Variants in DYNC2H1 observed in about 807,000 individuals in gnomAD.
The protein encoded by DYNC2H1 is cytoplasmic dynein 2 heavy chain 1.
Under a neutral mutation model 570.0 loss-of-function variants are expected in DYNC2H1, and 410 were observed. The ratio of observed to expected loss-of-function variants is 0.72; its 90% CI spans 0.66 to 0.78. DYNC2H1 has a LOEUF of 0.78. DYNC2H1 is among the 30% of genes least tolerant of loss of function. The pLI is 0.00. For missense variants in DYNC2H1, 4,865 were observed against 5,046.4 expected (o/e 0.96, Z 1.09); for synonymous variants, 1,688 against 1,677.6 (o/e 1.01, Z -0.15).
At chr11:103,414,125 C>T (rs757761699) in intron 84 of DYNC2H1, among the ~76,000 whole-genome samples, 7 of 151,924 alleles carry the variant, frequency 4.6e-5, no homozygotes, top group Non-Finnish European at 8.8e-5. Flanking sequence ...CAAAATAGGA[C>T]ATAAGATGGA....
chr11:103,359,395 T>C (rs1328273319), intron 83 of DYNC2H1, among the ~76,000 whole-genome samples: 1 of 152,214 alleles, frequency 6.6e-6, no homozygotes, highest in Non-Finnish European at 1.5e-5. Flanking sequence ...AAAGTTTACT[T>C]GGATGTGTCA....
chr11:103,272,809 G>A (rs1201025465), intron 70 of DYNC2H1, among the ~76,000 whole-genome samples: 2 of 151,938 alleles, frequency 1.3e-5, no homozygotes, highest in African/African-American at 2.4e-5. Context: ...GGGAGGTGTG[G>A]TTGACTTAAA....
At chr11:103,341,141 G>C (rs978272384) in intron 82 of DYNC2H1, among the ~76,000 whole-genome samples, 2 of 152,062 alleles carry the variant, frequency 1.3e-5, no homozygotes, top group Non-Finnish European at 2.9e-5. Context: ...TTTAACTGTA[G>C]CACCCAGCTG....
chr11:103,154,067 C>A (rs1177523416), intron 22 of DYNC2H1, among the ~76,000 whole-genome samples: 1 of 151,730 alleles, frequency 6.6e-6, no homozygotes, highest in Admixed American at 6.6e-5. Context: ...TAGAAGCTTG[C>A]CCTTTCAACT....
intron 26 of DYNC2H1, among the ~76,000 whole-genome samples, chr11:103,156,980 C>T (rs1163066432): frequency 6.6e-6 from 1 of 152,182 alleles, no homozygotes; most frequent in Non-Finnish European, 1.5e-5. Flanking sequence ...GTTATTACCA[C>T]TCTACCTAAT....
Position 103,256,100 on chromosome 11 carries a change from C to G in DYNC2H1, c.10327-6C>G. On this transcript the variant is annotated splice_region_variant and splice_polypyrimidine_tract_variant and intron_variant, in intron 67 of 88. Coordinates refer to ENST00000375735, the MANE Select transcript of DYNC2H1 (RefSeq NM_001377.3). The surrounding 1 kb of genome is among the most constrained non-coding windows in gnomAD (Gnocchi z 4.0). ...ATAATATTCATATTGTTAACTTTCC[C>G]TACAGACACTTGCCACATCTCAAGG... 6.3e-7 allele frequency: 1 copy of G among 1,594,250 alleles called. No homozygotes were observed. The highest frequency in any genetic ancestry group is 8.6e-7 in the Non-Finnish European group (1 of 1,168,856).
In DYNC2H1 at chr11:103,457,332, C is replaced by T. The variant is rs576590071; in HGVS notation, c.12648+976C>T. On this transcript the variant is annotated intron_variant, in intron 87 of 88. Coordinates refer to ENST00000375735, the MANE Select transcript of DYNC2H1 (RefSeq NM_001377.3). ...AAGTTAACTGTAAGACAGCCTCAGGCAGGTCCTTCAGGAGGTATACAAGAA... is the reference window on the plus strand; with the variant it reads ...AAGTTAACTGTAAGACAGCCTCAGGTAGGTCCTTCAGGAGGTATACAAGAA... Among the ~76,000 whole-genome samples, 3 of 152,254 alleles carry T rather than the reference C, an allele frequency of 2.0e-5. No individual in the cohort carries two copies. The East Asian group carries it at 5.8e-4, about 29-fold the overall frequency.
intron 83 of DYNC2H1, among the ~76,000 whole-genome samples, chr11:103,373,390 G>C (rs1235545920): frequency 1.7e-5 from 2 of 121,018 alleles, no homozygotes; most frequent in East Asian, 5.0e-4. Context: ...CCTCTTTTTT[G>C]ACTCTGATTT....
At chr11:103,408,458 G>A (rs563163809) in intron 84 of DYNC2H1, 3 of 152,064 alleles carry the variant, frequency 2.0e-5, no homozygotes, top group East Asian at 1.9e-4. Flanking sequence ...CCCTGTTCTC[G>A]GGTTGGATGT....
intron 84 of DYNC2H1, chr11:103,406,430 A>G (rs1942866995): frequency 6.6e-6 from 1 of 151,934 alleles, no homozygotes; most frequent in Admixed American, 6.6e-5. Context: ...GGGTAATAAG[A>G]CTTGTTTTTT....
rs1862880647 is a variant in DYNC2H1 at position 103,205,227 on chromosome 11, T to C, written c.8454+263T>C. Among the ~76,000 whole-genome samples, 1 of 152,152 alleles carries C rather than the reference T, an allele frequency of 6.6e-6. No homozygotes were observed. The highest frequency in any genetic ancestry group is 1.5e-5 in the Non-Finnish European group (1 of 68,028). On this transcript the variant is annotated intron_variant, in intron 52 of 88. Coordinates refer to ENST00000375735, the MANE Select transcript of DYNC2H1 (RefSeq NM_001377.3). The surrounding 1 kb of genome is among the most constrained non-coding windows in gnomAD (Gnocchi z 4.5). The stretch of plus-strand genomic sequence containing the variant: ...ATTTTATGGCTTTAATTAACTAGCC[T>C]ATTACAGGCTGTCCTAGATTTTTAA...
chr11:103,361,411 C>A (rs952863110), intron 83 of DYNC2H1, among the ~76,000 whole-genome samples: 4 of 152,186 alleles, frequency 2.6e-5, no homozygotes, highest in African/African-American at 9.7e-5. Flanking sequence ...TACTCCAGAA[C>A]TGTGAGAAAT....
intron 75 of DYNC2H1, among the ~76,000 whole-genome samples, chr11:103,290,327 T>C (rs1483572542): frequency 6.6e-6 from 1 of 152,160 alleles, no homozygotes. Context: ...TGGTTAATGA[T>C]GAGTATATGG....
intron 82 of DYNC2H1, among the ~76,000 whole-genome samples, chr11:103,349,223 G>A (rs1040745428): frequency 2.0e-5 from 3 of 151,878 alleles, no homozygotes; most frequent in African/African-American, 7.3e-5. Flanking sequence ...TTATATGACA[G>A]GCATATGTTT....
At chr11:103,403,367 G>A (rs1942721027) in intron 84 of DYNC2H1, 2 of 151,968 alleles carry the variant, frequency 1.3e-5, no homozygotes, top group Non-Finnish European at 2.9e-5. Flanking sequence ...GTAGAATAAA[G>A]TTATGATTAT....
chr11:103,367,216 A>G (rs1015587512), intron 83 of DYNC2H1, among the ~76,000 whole-genome samples: 2 of 152,114 alleles, frequency 1.3e-5, no homozygotes, highest in Admixed American at 6.5e-5. Context: ...ATACTGCTTT[A>G]TCAGATGAGT....
chr11:103,445,910 C>A (rs1041218539), intron 85 of DYNC2H1, among the ~76,000 whole-genome samples: 13 of 152,158 alleles, frequency 8.5e-5, no homozygotes. Context: ...CCTCGGCCTT[C>A]CAAACTGCTG....
chr11:103,153,792 A>T (rs1860681640), intron 22 of DYNC2H1, among the ~76,000 whole-genome samples: 2 of 151,990 alleles, frequency 1.3e-5, no homozygotes, highest in African/African-American at 4.8e-5. Context: ...TATCCTATTT[A>T]AAAATGAAAT....
At position 103,220,720 on chromosome 11, in the gene DYNC2H1, A is replaced by T; in HGVS notation, c.9044A>T (p.Asp3015Val). Residue 3015 changes from aspartate (D) to valine (V), a missense_variant, in exon 57 of 89, where the codon GAT (aspartate) becomes GTT (valine). Physicochemically the swap from Asp to Val is radical, Grantham distance 152. This residue lies in a region of DYNC2H1 where 2,401 missense variants were observed against 2,454.6 expected (regional missense o/e 0.98). Coordinates refer to ENST00000375735, the MANE Select transcript of DYNC2H1 (RefSeq NM_001377.3). The part of the protein sequence containing the change: ...SLRMPPDVIR[D>V]ILEGVLRLMG... ...CGCATGCCACCTGATGTAATTAGAG[A>T]TATTCTTGAAGGAGTTTTAAGGTTG... The T allele has an allele frequency of 6.2e-7, 1 of 1,613,060 alleles. No homozygotes were observed. Among genetic ancestry groups the T allele is most frequent in the South Asian group, 1.1e-5 (1 of 91,000 alleles).
Sources: gnomAD v4.1 joint callset for allele counts (sites outside exome capture counted in the v4.1 genomes callset) on GRCh38, gnomAD v4.1.1 for gene constraint, gnomAD v4.1.1 regional missense constraint, Gnocchi (gnomAD v3.1) non-coding constraint, MANE v1.5 for transcripts, NCBI Gene and HGNC (gene_info 2026-07-23, HGNC 2026-07-21) for gene names.